MAP2K1: variants seen among roughly 807,000 people sequenced by gnomAD.
MAP2K1 encodes dual specificity mitogen-activated protein kinase kinase 1.
MAP2K1 carries 16 observed loss-of-function variants against 46.3 expected under a neutral mutation model. That is an observed-to-expected ratio of 0.35 (90% CI 0.23 to 0.52). MAP2K1 has a LOEUF of 0.52. MAP2K1 is among the 20% of genes least tolerant of loss of function. The pLI is 0.94. For missense variants in MAP2K1, 263 were observed against 497.1 expected, an observed-to-expected ratio of 0.53 and a Z score of 4.48; for synonymous variants, 183 against 185.6, an observed-to-expected ratio of 0.99 and a Z score of 0.11.
At chr15:66,455,341 G>T (rs1892140229) in intron 5 of MAP2K1, among the ~76,000 whole-genome samples, 1 of 152,216 alleles carries the variant, frequency 6.6e-6, no homozygotes, top group Non-Finnish European at 1.5e-5. Flanking sequence ...CTCTTTCAAA[G>T]CATTCACTCT....
chr15:66,443,587 C>G (rs10688512), intron 4 of MAP2K1, among the ~76,000 whole-genome samples: 3 of 152,146 alleles, frequency 2.0e-5, no homozygotes, highest in Admixed American at 6.5e-5. Flanking sequence ...TCTTGAAAAA[C>G]GGGCCAGGCA....
chr15:66,440,987 C>T (rs555328816), intron 3 of MAP2K1, among the ~76,000 whole-genome samples: 11 of 152,216 alleles, frequency 7.2e-5, no homozygotes, highest in Non-Finnish European at 1.0e-4. Flanking sequence ...TTTACAGATA[C>T]GGTCTTGCTC....
chr15:66,470,986 T>C (rs1461341844), intron 5 of MAP2K1, among the ~76,000 whole-genome samples: 1 of 152,168 alleles, frequency 6.6e-6, no homozygotes, highest in Non-Finnish European at 1.5e-5. Context: ...GGAGGGGGCT[T>C]CGAGGTCCCA....
chr15:66,453,648 TA>T (rs1346312536), intron 5 of MAP2K1: 13 of 658,390 alleles, frequency 2.0e-5, no homozygotes, highest in Non-Finnish European at 3.3e-5. Context: ...ACCTCTGTTC[TA>T]AATATATTCT....
chr15:66,484,724 C>T (rs2140672939), intron 6 of MAP2K1, among the ~76,000 whole-genome samples: 1 of 152,256 alleles, frequency 6.6e-6, no homozygotes, highest in South Asian at 2.1e-4. Context: ...GTAGTGGCAG[C>T]CAGGGCACAG....
intron 1 of MAP2K1, among the ~76,000 whole-genome samples, chr15:66,422,747 G>A (rs1428675417): frequency 6.6e-6 from 1 of 151,834 alleles, no homozygotes; most frequent in Non-Finnish European, 1.5e-5. Flanking sequence ...GTGTTTTTTC[G>A]ATCTGGATGT....
chr15:66,396,369 C>G (rs1172101041), intron 1 of MAP2K1, among the ~76,000 whole-genome samples: 2 of 151,708 alleles, frequency 1.3e-5, no homozygotes, highest in Non-Finnish European at 2.9e-5. Context: ...ACCTCCGCCT[C>G]CCACATTTTC....
chr15:66,464,844 A>G (rs1332181240), intron 5 of MAP2K1, among the ~76,000 whole-genome samples: 1 of 151,952 alleles, frequency 6.6e-6, no homozygotes, highest in Non-Finnish European at 1.5e-5. Context: ...ATTGTTTTAG[A>G]GACCTGTAGC....
chr15:66,442,937 A>G (rs2093508410), intron 3 of MAP2K1, among the ~76,000 whole-genome samples: 1 of 152,194 alleles, frequency 6.6e-6, no homozygotes, highest in Non-Finnish European at 1.5e-5. Context: ...AAGGATACAG[A>G]TGAAGAGACA....
chr15:66,426,545 G>A (rs550834844), intron 1 of MAP2K1, among the ~76,000 whole-genome samples: 126 of 152,266 alleles, frequency 8.3e-4, no homozygotes, highest in African/African-American at 3.0e-3. Context: ...TTCCTGCTCA[G>A]GTGCCCTCTT....
chr15:66,469,693 GACAC>G (rs56197290), intron 5 of MAP2K1, among the ~76,000 whole-genome samples: 1,518 of 84,894 alleles, frequency 0.018, 42 homozygotes, highest in Middle Eastern at 0.032. Flanking sequence ...TCCTTTTAAA[GACAC>G]ACACACACAC....
chr15:66,419,200 T>G (rs1421578468), intron 1 of MAP2K1, among the ~76,000 whole-genome samples: 1 of 151,806 alleles, frequency 6.6e-6, no homozygotes, highest in Non-Finnish European at 1.5e-5. Context: ...CTTTTCCTTT[T>G]GTACTTCTAC....
At chr15:66,465,888 T>G (rs1186423484) in intron 5 of MAP2K1, among the ~76,000 whole-genome samples, 1 of 152,222 alleles carries the variant, frequency 6.6e-6, no homozygotes, top group Non-Finnish European at 1.5e-5. Flanking sequence ...TTGATGGAAC[T>G]TTGCTCTGTA....
intron 1 of MAP2K1, 83 bp downstream of exon 1, chr15:66,387,510 T>A: frequency 7.2e-7 from 1 of 1,384,154 alleles, no homozygotes; most frequent in Non-Finnish European, 1.0e-6. Flanking sequence ...CAGGCTCCGA[T>A]CTGGTTTGTC....
chr15:66,395,573 A>ATTTTTTTTTTTT (rs58172562), intron 1 of MAP2K1, among the ~76,000 whole-genome samples: 1 of 98,576 alleles, frequency 1.0e-5, no homozygotes. Flanking sequence ...TTCTTGCATG[A>ATTTTTTTTTTTT]TTTTTTTTTT....
At chr15:66,396,212 C>T (rs920542903) in intron 1 of MAP2K1, among the ~76,000 whole-genome samples, 8 of 152,012 alleles carry the variant, frequency 5.3e-5, no homozygotes, top group Admixed American at 1.3e-4. Flanking sequence ...ATGATGGCCT[C>T]GATGTCGTGA....
intron 3 of MAP2K1, among the ~76,000 whole-genome samples, chr15:66,439,406 C>T (rs1308460239): frequency 2.6e-5 from 4 of 152,204 alleles, no homozygotes; most frequent in East Asian, 3.9e-4. Context: ...CTGAAGTGAG[C>T]GAATCACCTG....
At chr15:66,412,788 C>T (rs1455444566) in intron 1 of MAP2K1, among the ~76,000 whole-genome samples, 1 of 152,204 alleles carries the variant, frequency 6.6e-6, no homozygotes, top group Non-Finnish European at 1.5e-5. Context: ...AAACTCCTGG[C>T]TTCAAGCCAT....
Position 66,387,268 on chromosome 15 carries a change from G to T in MAP2K1, c.-80G>T. On this transcript the variant is annotated 5_prime_UTR_variant, in exon 1 of 11. Transcript: ENST00000307102. ...CGGCCCGGACTTGGTCCTGCGCAGCGGGCGCGGGGCAGCGCAGCGGGAGGA... is the reference window on the plus strand; with the variant it reads ...CGGCCCGGACTTGGTCCTGCGCAGCTGGCGCGGGGCAGCGCAGCGGGAGGA... 7.8e-7 allele frequency: 1 copy of T among 1,283,410 alleles called. No individual in the cohort carries two copies. Among genetic ancestry groups the T allele is most frequent in the Non-Finnish European group, 1.1e-6 (1 of 907,488 alleles). The allele number at this position is 1,283,410 out of a possible 1,614,324, so 79.5% of individuals were successfully genotyped here. A position where few individuals can be genotyped will look rare whatever the true frequency, so the allele number is the denominator to read the frequency against.
Sources: allele counts gnomAD v4.1 joint callset (sites outside exome capture counted in the v4.1 genomes callset), GRCh38; gene constraint gnomAD v4.1.1; transcripts MANE v1.5; gene names NCBI Gene and HGNC (gene_info 2026-07-23, HGNC 2026-07-21).